The following FSTL5 variants were observed in gnomAD, a reference collection of about 807,000 sequenced individuals.
FSTL5 encodes the protein follistatin like 5, also known as follistatin-related protein 5.
FSTL5 carries 62 observed loss-of-function variants against 89.1 expected under a neutral mutation model. The ratio of observed to expected loss-of-function variants is 0.70; its 90% CI spans 0.57 to 0.86. FSTL5 has a LOEUF of 0.86. FSTL5 is among the 40% of genes least tolerant of loss of function. The pLI is 0.00. For synonymous variants in FSTL5, 383 were observed against 346.2 expected (o/e 1.11, Z -1.18); for missense variants, 1,057 against 1,001.6 (o/e 1.06, Z -0.75).
intron 3 of FSTL5, among the ~76,000 whole-genome samples, chr4:161,963,873 A>T (rs1027766148): frequency 2.6e-5 from 4 of 152,100 alleles, no homozygotes; most frequent in Admixed American, 1.3e-4. Flanking sequence ...GTAATTTCTG[A>T]ATCTATGAAA....
intron 3 of FSTL5, among the ~76,000 whole-genome samples, chr4:161,986,201 T>C (rs1352191769): frequency 6.6e-6 from 1 of 152,102 alleles, no homozygotes; most frequent in Non-Finnish European, 1.5e-5. Flanking sequence ...ACAATTGTAA[T>C]TTCAGTACTC....
At chr4:161,620,620 C>T (rs935500860) in intron 7 of FSTL5, among the ~76,000 whole-genome samples, 2 of 152,110 alleles carry the variant, frequency 1.3e-5, no homozygotes, top group African/African-American at 2.4e-5. Context: ...CGCGCCATTG[C>T]ACTCCAGCCT....
intron 8 of FSTL5, among the ~76,000 whole-genome samples, chr4:161,551,867 T>TA (rs1161618742): frequency 1.3e-5 from 2 of 151,892 alleles, no homozygotes; most frequent in Non-Finnish European, 2.9e-5. Flanking sequence ...ACGTTAGACC[T>TA]AAAACCATAA....
intron 12 of FSTL5, among the ~76,000 whole-genome samples, chr4:161,482,649 C>T (rs568228252): frequency 6.6e-6 from 1 of 152,224 alleles, no homozygotes; most frequent in East Asian, 1.9e-4. Context: ...ATTGAGTAAC[C>T]ACATTGAACA....
Position 161,389,593 on chromosome 4 carries a change from T to G in FSTL5, c.1842-3144A>C, listed in dbSNP as rs1483133140. ...TAAGGGCTTTCATTCCAAGCTAACTTATTTTCATGATCCAGATTTTCAAAA... is the reference window on the plus strand; with the variant it reads ...TAAGGGCTTTCATTCCAAGCTAACTGATTTTCATGATCCAGATTTTCAAAA... On this transcript the variant is annotated intron_variant, in intron 15 of 15. Coordinates refer to ENST00000306100, the MANE Select transcript of FSTL5 (RefSeq NM_020116.5). Among the ~76,000 whole-genome samples, 5 of 152,162 alleles carry G rather than the reference T, an allele frequency of 3.3e-5. No individual in the cohort carries two copies. The East Asian group carries it at 7.7e-4, about 24-fold the overall frequency.
At chr4:161,521,588 C>T (rs1731025450) in intron 10 of FSTL5, among the ~76,000 whole-genome samples, 1 of 152,008 alleles carries the variant, frequency 6.6e-6, no homozygotes, top group Non-Finnish European at 1.5e-5. Context: ...GTGGCTCATG[C>T]CTCTAACCCC....
chr4:161,735,586 C>T (rs1443665380), intron 6 of FSTL5, among the ~76,000 whole-genome samples: 3 of 152,156 alleles, frequency 2.0e-5, no homozygotes, highest in African/African-American at 7.2e-5. Context: ...CTAATTGGAT[C>T]ACTTAATGCC....
At chr4:161,753,969 G>C (rs940373600) in intron 6 of FSTL5, among the ~76,000 whole-genome samples, 18 of 150,728 alleles carry the variant, frequency 1.2e-4, no homozygotes. Flanking sequence ...GTGAACCCGG[G>C]AGGCGGAGCT....
At chr4:161,511,758 A>C (rs554341675) in intron 10 of FSTL5, among the ~76,000 whole-genome samples, 1 of 152,236 alleles carries the variant, frequency 6.6e-6, no homozygotes, top group East Asian at 1.9e-4. Flanking sequence ...GAAAACAAAT[A>C]AATACAAACA....
At chr4:161,906,856 A>C (rs114818382) in intron 4 of FSTL5, among the ~76,000 whole-genome samples, 2,345 of 152,188 alleles carry the variant, frequency 0.015, 32 homozygotes, top group Non-Finnish European at 0.024. Context: ...TTATTTTATA[A>C]ATTTATAGAT....
chr4:161,949,397 T>C (rs1191933614), intron 3 of FSTL5, among the ~76,000 whole-genome samples: 3 of 152,112 alleles, frequency 2.0e-5, no homozygotes, highest in African/African-American at 7.2e-5. Context: ...TAAAAAATCT[T>C]CTCTTTATCT....
At position 161,864,398 on chromosome 4, in the gene FSTL5, A is replaced by G. The variant is rs147306706; in HGVS notation, c.409+56006T>C. ...GTTTATAAATCTGTACAATAGGGAT[A>G]TTATGACTAACCTCACAGGTTGTTG... On this transcript the variant is annotated intron_variant, in intron 4 of 15. Coordinates refer to ENST00000306100, the MANE Select transcript of FSTL5 (RefSeq NM_020116.5). Among the ~76,000 whole-genome samples the G allele has an allele frequency of 5.3e-5, 8 of 152,324 alleles. No homozygotes were observed. The East Asian group carries it at 1.2e-3, about 22-fold the overall frequency.
At chr4:162,074,947 A>G (rs1209161731) in intron 2 of FSTL5, among the ~76,000 whole-genome samples, 1 of 151,830 alleles carries the variant, frequency 6.6e-6, no homozygotes, top group Non-Finnish European at 1.5e-5. Flanking sequence ...AGCCCATTTT[A>G]TAATAAAGTG....
intron 4 of FSTL5, among the ~76,000 whole-genome samples, chr4:161,814,688 C>G (rs1021126185): frequency 6.6e-6 from 1 of 152,102 alleles, no homozygotes; most frequent in Non-Finnish European, 1.5e-5. Context: ...AATGTTGAAA[C>G]ATTTCCCACC....
chr4:161,500,402 TA>T (rs1279024809), intron 11 of FSTL5, among the ~76,000 whole-genome samples: 1 of 152,166 alleles, frequency 6.6e-6, no homozygotes, highest in African/African-American at 2.4e-5. Context: ...CAGTTATAAA[TA>T]GGGATATAAA....
chr4:161,487,878 A>G (rs1729734243), intron 12 of FSTL5, among the ~76,000 whole-genome samples: 1 of 152,130 alleles, frequency 6.6e-6, no homozygotes, highest in African/African-American at 2.4e-5. Context: ...CAAGGCAAAT[A>G]CAACACAGTT....
chr4:161,827,159 G>C (rs1730693870), intron 4 of FSTL5, among the ~76,000 whole-genome samples: 1 of 152,146 alleles, frequency 6.6e-6, no homozygotes, highest in Non-Finnish European at 1.5e-5. Context: ...CCTTGATGTG[G>C]TGTTCTCCCC....
intron 7 of FSTL5, among the ~76,000 whole-genome samples, chr4:161,635,381 C>G (rs534900795): frequency 6.6e-6 from 1 of 152,112 alleles, no homozygotes; most frequent in Non-Finnish European, 1.5e-5. Context: ...GAGTGAGACT[C>G]TGTCTCAAAA....
At chr4:162,152,508 C>T (rs72988808) in intron 1 of FSTL5, among the ~76,000 whole-genome samples, 35,316 of 151,844 alleles carry the variant, frequency 0.23, 4,280 homozygotes, top group Non-Finnish European at 0.26. Context: ...TTGCTTTTTT[C>T]CCTACATAGT....
Sources: gnomAD v4.1 joint callset for allele counts (sites outside exome capture counted in the v4.1 genomes callset) on GRCh38, gnomAD v4.1.1 for gene constraint, MANE v1.5 for transcripts, NCBI Gene and HGNC (gene_info 2026-07-23, HGNC 2026-07-21) for gene names.